The following MEGF9 variants were observed in gnomAD, a reference collection of about 807,000 sequenced individuals.
MEGF9 encodes the protein multiple epidermal growth factor-like domains protein 9.
A neutral mutation model predicts 46.8 loss-of-function variants in MEGF9; 6 were observed. That is an observed-to-expected ratio of 0.13 (90% CI 0.07 to 0.25). The LOEUF is 0.25. MEGF9 is among the 10% of genes least tolerant of loss of function. MEGF9 has a pLI of 1.00. For missense variants in MEGF9, 683 were observed against 792.4 expected, an observed-to-expected ratio of 0.86 and a Z score of 1.66; for synonymous variants, 302 against 330.7, an observed-to-expected ratio of 0.91 and a Z score of 0.94.
intron 1 of MEGF9, among the ~76,000 whole-genome samples, chr9:120,669,901 A>T (rs1252850788): frequency 6.6e-6 from 1 of 152,196 alleles, no homozygotes; most frequent in South Asian, 2.1e-4. Flanking sequence ...ATTGGGGAAG[A>T]TTAGGAATTA....
intron 2 of MEGF9, among the ~76,000 whole-genome samples, chr9:120,628,175 T>C (rs1012363673): frequency 1.3e-5 from 2 of 152,222 alleles, no homozygotes; most frequent in Non-Finnish European, 2.9e-5. Flanking sequence ...CTTAATTTCA[T>C]GTCTGGGTCA....
chr9:120,672,504 T>C (rs2043754274), intron 1 of MEGF9, among the ~76,000 whole-genome samples: 1 of 151,870 alleles, frequency 6.6e-6, no homozygotes, highest in African/African-American at 2.4e-5. Flanking sequence ...GCCTGTAGTC[T>C]CGGCTATTCC....
intron 3 of MEGF9, among the ~76,000 whole-genome samples, chr9:120,617,735 G>A (rs2043478671): frequency 6.6e-6 from 1 of 152,208 alleles, no homozygotes; most frequent in African/African-American, 2.4e-5. Context: ...GAGGCTGAAA[G>A]GCCAGATGAG....
chr9:120,691,736 C>T (rs1231726507), intron 1 of MEGF9, among the ~76,000 whole-genome samples: 1 of 152,132 alleles, frequency 6.6e-6, no homozygotes, highest in Admixed American at 6.6e-5. Context: ...AGTGATGGAG[C>T]TGGGATTGGA....
intron 2 of MEGF9, among the ~76,000 whole-genome samples, chr9:120,624,033 T>C (rs568882685): frequency 6.6e-6 from 1 of 152,348 alleles, no homozygotes; most frequent in East Asian, 1.9e-4. Context: ...AATAATATTG[T>C]GTAACCATAA....
At chr9:120,676,721 T>C (rs1024580833) in intron 1 of MEGF9, among the ~76,000 whole-genome samples, 2 of 152,206 alleles carry the variant, frequency 1.3e-5, no homozygotes, top group African/African-American at 4.8e-5. Context: ...TTCATACAAC[T>C]GCTTATCTTA....
At chr9:120,616,201 C>G (rs1401149652) in intron 3 of MEGF9, among the ~76,000 whole-genome samples, 1 of 151,792 alleles carries the variant, frequency 6.6e-6, no homozygotes, top group African/African-American at 2.4e-5. Context: ...ATCACATACA[C>G]ATTGTAAAAT....
chr9:120,707,766 G>A (rs138412428), intron 1 of MEGF9, among the ~76,000 whole-genome samples: 103 of 152,252 alleles, frequency 6.8e-4, no homozygotes, highest in African/African-American at 2.3e-3. Flanking sequence ...ATCTTGGCTG[G>A]GCGTGGTGGC....
chr9:120,647,729 A>G (rs1451538664), intron 2 of MEGF9, among the ~76,000 whole-genome samples: 1 of 152,210 alleles, frequency 6.6e-6, no homozygotes, highest in African/African-American at 2.4e-5. Flanking sequence ...GAATATACAA[A>G]TGCTTACTTT....
chr9:120,672,433 A>T (rs570155758), intron 1 of MEGF9, among the ~76,000 whole-genome samples: 1 of 144,870 alleles, frequency 6.9e-6, no homozygotes, highest in South Asian at 2.2e-4. Context: ...TCTCTACAGA[A>T]AAATAAATAA....
chr9:120,625,021 C>A (rs2043518130), intron 2 of MEGF9, among the ~76,000 whole-genome samples: 1 of 152,204 alleles, frequency 6.6e-6, no homozygotes, highest in African/African-American at 2.4e-5. Flanking sequence ...TGCCTATAGT[C>A]CCAGCTACTC....
chr9:120,606,257 T>C (rs2043420268), intron 5 of MEGF9, among the ~76,000 whole-genome samples: 1 of 152,182 alleles, frequency 6.6e-6, no homozygotes, highest in African/African-American at 2.4e-5. Context: ...TCATATAAAT[T>C]CCTGCAAAGG....
At chr9:120,656,214 G>A (rs1222416852) in intron 2 of MEGF9, among the ~76,000 whole-genome samples, 1 of 152,054 alleles carries the variant, frequency 6.6e-6, no homozygotes, top group Non-Finnish European at 1.5e-5. Flanking sequence ...AGTCAAAATG[G>A]GAAAATAATA....
At chr9:120,648,558 A>G (rs1406775759) in intron 2 of MEGF9, among the ~76,000 whole-genome samples, 3 of 152,320 alleles carry the variant, frequency 2.0e-5, no homozygotes, top group South Asian at 2.1e-4. Flanking sequence ...TTGCAAGTCT[A>G]TCTTTGCAAG....
chr9:120,623,403 T>C (rs1161159936), intron 2 of MEGF9, among the ~76,000 whole-genome samples: 2 of 152,230 alleles, frequency 1.3e-5, no homozygotes, highest in East Asian at 1.9e-4. Flanking sequence ...TCACTGCAAG[T>C]AAATTTCAGG....
At chr9:120,611,907 A>G (rs115355942) in intron 4 of MEGF9, among the ~76,000 whole-genome samples, 2,772 of 151,698 alleles carry the variant, frequency 0.018, 91 homozygotes, top group African/African-American at 0.064. Context: ...GAAAGAAAGG[A>G]AAAAATTCAA....
In MEGF9 at chr9:120,604,367, T is replaced by C. The variant is rs1337963008; in HGVS notation, c.*823A>G. 6.6e-6 allele frequency: 1 copy of C among 152,594 alleles called. No individual in the cohort carries two copies. The highest frequency in any genetic ancestry group is 6.5e-5 in the Admixed American group (1 of 15,288). The allele number at this position is 152,594 out of a possible 1,614,324, so 9.5% of individuals were successfully genotyped here. A position where few individuals can be genotyped will look rare whatever the true frequency, so the allele number is the denominator to read the frequency against. On this transcript the variant is annotated 3_prime_UTR_variant, in exon 6 of 6. Transcript: ENST00000373930. ...TTCTTTTTACAACACCATTAACTGCTGTACAAATAAATTCCAGATGATAAA... is the reference window on the plus strand; with the variant it reads ...TTCTTTTTACAACACCATTAACTGCCGTACAAATAAATTCCAGATGATAAA...
chr9:120,659,435 A>C lies in MEGF9; in HGVS notation c.742T>G (p.Ser248Ala). 6.2e-7 allele frequency: 1 copy of C among 1,613,828 alleles called. No homozygotes were observed. The change falls in exon 2 of 6, where the codon TCT becomes GCT. Residue 248 changes from serine to alanine, a missense_variant. Around this residue, in one of 2 missense-constraint regions of MEGF9, gnomAD observed 370 missense variants for 371.3 expected, o/e 1.00. Coordinates refer to ENST00000373930, the MANE Select transcript of MEGF9 (RefSeq NM_001080497.3). The stretch of plus-strand genomic sequence containing the variant: ...CAGTCACATGGCTGACAGAGCCCAG[A>C]AGTGTAATTTAGGTAAAAGCCCTCT... ...CKEGFYLNYT[S>A]GLCQPCDCSP...
chr9:120,699,385 T>C (rs1021587104), intron 1 of MEGF9, among the ~76,000 whole-genome samples: 2 of 152,008 alleles, frequency 1.3e-5, no homozygotes, highest in African/African-American at 2.4e-5. Context: ...TTTTCTACAA[T>C]GTTTATTGTA....
Sources: gnomAD v4.1 joint callset for allele counts (sites outside exome capture counted in the v4.1 genomes callset) on GRCh38, gnomAD v4.1.1 for gene constraint, gnomAD v4.1.1 regional missense constraint, MANE v1.5 for transcripts, NCBI Gene and HGNC (gene_info 2026-07-23, HGNC 2026-07-21) for gene names.